Variants in CHORDC1 observed in about 807,000 individuals in gnomAD.
CHORDC1 encodes cysteine and histidine-rich domain-containing protein 1.
A neutral mutation model predicts 48.3 loss-of-function variants in CHORDC1; 25 were observed. That is an observed-to-expected ratio of 0.52 (90% CI 0.38 to 0.72). The LOEUF is 0.72. Among genes scored for constraint, CHORDC1 ranks in the 30% least tolerant of loss-of-function variants. CHORDC1 has a pLI of 0.00. For missense variants in CHORDC1, 317 were observed against 388.7 expected (o/e 0.82, Z 1.55); for synonymous variants, 128 against 126.4 (o/e 1.01, Z -0.09).
intron 2 of CHORDC1, 145 bp from the exon 3 acceptor site, chr11:90,215,375 C>G (rs1857982201): frequency 2.2e-6 from 1 of 463,670 alleles, no homozygotes; most frequent in Non-Finnish European, 3.9e-6. Flanking sequence ...TATAATTCAC[C>G]TAATCAAGTA....
At chr11:90,209,842 C>T (rs1196659981) in intron 6 of CHORDC1, among the ~76,000 whole-genome samples, 1 of 152,152 alleles carries the variant, frequency 6.6e-6, no homozygotes, top group East Asian at 1.9e-4. Flanking sequence ...TTACCATTCA[C>T]CAGTCACAGA....
At chr11:90,205,439 A>T in intron 8 of CHORDC1, 21 bp downstream of exon 8, 4 of 1,293,326 alleles carry the variant, frequency 3.1e-6, no homozygotes, top group Non-Finnish European at 3.3e-6. Context: ...CCAGTGTGCT[A>T]TTTTTGGAAG....
chr11:90,203,536 C>CAAAA, intron 8 of CHORDC1, 109 bp from the exon 9 acceptor site: 2 of 1,028,732 alleles, frequency 1.9e-6, no homozygotes, highest in South Asian at 4.9e-5. Flanking sequence ...AACAACTAAG[C>CAAAA]ACTTAATGTT....
intron 3 of CHORDC1, among the ~76,000 whole-genome samples, chr11:90,214,900 T>G (rs1265966725): frequency 3.3e-5 from 5 of 152,096 alleles, no homozygotes. Context: ...TTTAAATTGT[T>G]GCTTACCACT....
At chr11:90,202,779 A>C in intron 10 of CHORDC1, 34 bp downstream of exon 10, 1 of 1,558,394 alleles carries the variant, frequency 6.4e-7, no homozygotes. Flanking sequence ...CTAAGTTATC[A>C]GAAAAAAAAT....
At chr11:90,220,147 T>C (rs11018921) in intron 1 of CHORDC1, among the ~76,000 whole-genome samples, 25,737 of 152,194 alleles carry the variant, frequency 0.17, 2,514 homozygotes, top group East Asian at 0.27. Flanking sequence ...CTTCTTCCAA[T>C]GTCGCACAGG....
chr11:90,221,925 G>A (rs1858181668), intron 1 of CHORDC1, among the ~76,000 whole-genome samples: 2 of 152,188 alleles, frequency 1.3e-5, no homozygotes, highest in Non-Finnish European at 2.9e-5. Flanking sequence ...CAACCTCATT[G>A]AACTGAGCTT....
At chr11:90,207,817 G>T (rs1271145187) in intron 6 of CHORDC1, 1 of 109,800 alleles carries the variant, frequency 9.1e-6, no homozygotes, top group Non-Finnish European at 2.0e-5. Flanking sequence ...AGAAACCATA[G>T]GACAAGTTGA....
chr11:90,204,416 A>T (rs190889726), intron 8 of CHORDC1, among the ~76,000 whole-genome samples: 94 of 148,808 alleles, frequency 6.3e-4, no homozygotes, highest in African/African-American at 2.1e-3. Context: ...ATATCCAACC[A>T]TGTGTTATTA....
intron 7 of CHORDC1, chr11:90,205,985 C>T: frequency 1.8e-6 from 1 of 551,076 alleles, no homozygotes; most frequent in Non-Finnish European, 3.3e-6. Context: ...GTTTATATCA[C>T]AATGACCACT....
intron 4 of CHORDC1, chr11:90,211,576 T>C: frequency 6.5e-6 from 2 of 307,564 alleles, no homozygotes; most frequent in South Asian, 7.0e-5. Context: ...ATTAATCAGT[T>C]GCACTAACGA....
At chr11:90,206,890 G>C in intron 6 of CHORDC1, 1 of 539,866 alleles carries the variant, frequency 1.9e-6, no homozygotes, top group South Asian at 1.6e-5. Flanking sequence ...TGTATTTATA[G>C]CACTACCTAC....
intron 2 of CHORDC1, 151 bp from the exon 3 acceptor site, chr11:90,215,381 A>C: frequency 2.2e-6 from 1 of 459,154 alleles, no homozygotes; most frequent in South Asian, 5.7e-5. Context: ...TCACCTAATC[A>C]AGTAAAATGA....
intron 3 of CHORDC1, 22 bp downstream of exon 3, chr11:90,215,152 A>C: frequency 7.5e-7 from 1 of 1,332,194 alleles, no homozygotes; most frequent in Non-Finnish European, 1.0e-6. Flanking sequence ...AAGATAATCT[A>C]GAAAAAATAA....
intron 6 of CHORDC1, chr11:90,207,761 C>CAAATAAAAAAAAAAAAAA (rs1857736834): frequency 1.9e-5 from 1 of 52,770 alleles, no homozygotes; most frequent in Non-Finnish European, 3.7e-5. Context: ...GGTTAAAATA[C>CAAATAAAAAAAAAAAAAA]AAAAAAAAAA....
chr11:90,222,554 A>C, intron 1 of CHORDC1: 1 of 533,272 alleles, frequency 1.9e-6, no homozygotes, highest in Non-Finnish European at 3.5e-6. Context: ...TTCCCCAGAG[A>C]CTGGAGGGCC....
chr11:90,216,480 C>G, intron 2 of CHORDC1: 1 of 362,056 alleles, frequency 2.8e-6, no homozygotes, highest in Non-Finnish European at 5.3e-6. Flanking sequence ...AACTAGTATC[C>G]CTGTATTGAT....
At position 90,201,486 on chromosome 11, in the gene CHORDC1, T is replaced by C. The variant is rs1387591132; in HGVS notation, c.*919A>G. ...ATTTTTATTTAACATGTAATAGTCA[T>C]AAAGCAACTCCATATATTTAGTTTT... On this transcript the variant is annotated 3_prime_UTR_variant, in exon 11 of 11. Transcript: ENST00000320585. The C allele has an allele frequency of 1.3e-5, 2 of 152,108 alleles. No individual in the cohort carries two copies. The highest frequency in any genetic ancestry group is 2.4e-5 in the African/African-American group (1 of 41,454). 9.4% of individuals were successfully genotyped at this position (152,108 alleles called of 1,614,324 possible).
At chr11:90,211,494 T>C (rs1857859362) in intron 4 of CHORDC1, 176 bp from the exon 5 acceptor site, 1 of 503,984 alleles carries the variant, frequency 2.0e-6, no homozygotes, top group Non-Finnish European at 3.5e-6. Flanking sequence ...CTACATTCTG[T>C]CTTAACAGAA....
Sources: allele counts gnomAD v4.1 joint callset (sites outside exome capture counted in the v4.1 genomes callset), GRCh38; gene constraint gnomAD v4.1.1; transcripts MANE v1.5; gene names NCBI Gene and HGNC (gene_info 2026-07-23, HGNC 2026-07-21).